The following RAB18 variants were observed in gnomAD, a reference collection of about 807,000 sequenced individuals.
The protein encoded by RAB18 is ras-related protein Rab-18.
RAB18 carries 10 observed loss-of-function variants against 28.5 expected under a neutral mutation model. The observed-to-expected ratio is 0.35, with a 90% CI of 0.22 to 0.60. The LOEUF (loss-of-function observed/expected upper bound fraction) is 0.60. Among genes scored for constraint, RAB18 ranks in the 20% least tolerant of loss-of-function variants. RAB18 has a pLI of 0.78. For synonymous variants in RAB18, 93 were observed against 86.9 expected (o/e 1.07, Z -0.39); for missense variants, 188 against 244.2 (o/e 0.77, Z 1.53).
intron 2 of RAB18, among the ~76,000 whole-genome samples, chr10:27,518,565 A>AT (rs1316181976): frequency 2.0e-5 from 3 of 151,968 alleles, no homozygotes; most frequent in African/African-American, 4.8e-5. Flanking sequence ...GTATATATGT[A>AT]TTTTTTTGCA....
intron 1 of RAB18, among the ~76,000 whole-genome samples, chr10:27,507,418 A>C (rs1382708345): frequency 6.6e-6 from 1 of 152,154 alleles, no homozygotes; most frequent in Non-Finnish European, 1.5e-5. Context: ...TCAGACCCTA[A>C]ATGTGTAAGA....
intron 2 of RAB18, among the ~76,000 whole-genome samples, chr10:27,511,693 T>C (rs1330611998): frequency 3.3e-5 from 5 of 152,224 alleles, no homozygotes. Flanking sequence ...TTTCAGAACA[T>C]AGTGTCAGTG....
chr10:27,531,297 G>A (rs954191926), intron 3 of RAB18, among the ~76,000 whole-genome samples: 2 of 151,962 alleles, frequency 1.3e-5, no homozygotes, highest in Non-Finnish European at 2.9e-5. Context: ...TTCCTCTTAA[G>A]TTTCTCTTCT....
rs374109675 is a variant in RAB18, at chr10:27,540,188, C to T, written c.*2137C>T. On this transcript the variant is annotated 3_prime_UTR_variant, in exon 7 of 7. Coordinates refer to ENST00000356940, the MANE Select transcript of RAB18 (RefSeq NM_021252.5). ...ATAGTTAATATTTATTGAAAGCTTCCTTGGTGCCAGATGCCTTTCTAAGTG... is the reference window on the plus strand; with the variant it reads ...ATAGTTAATATTTATTGAAAGCTTCTTTGGTGCCAGATGCCTTTCTAAGTG... 1 of 453,930 alleles carries T rather than the reference C, an allele frequency of 2.2e-6. No homozygotes were observed. The highest frequency in any genetic ancestry group is 7.0e-5 in the East Asian group (1 of 14,384). The allele number at this position is 453,930 out of a possible 1,614,324, so 28.1% of individuals were successfully genotyped here. A position where few individuals can be genotyped will look rare whatever the true frequency, so the allele number is the denominator to read the frequency against.
intron 2 of RAB18, among the ~76,000 whole-genome samples, chr10:27,525,415 G>T (rs1018329209): frequency 2.8e-5 from 4 of 142,700 alleles, no homozygotes; most frequent in African/African-American, 1.0e-4. Context: ...TTTTCTCAGG[G>T]TTTGTGCTTT....
At position 27,540,368 on chromosome 10, in the gene RAB18, T is replaced by C. The variant is rs1335431191; in HGVS notation, c.*2317T>C. ...ACTGAGCTGGATTCCAGTCATGGCA[T>C]TTTTACTTCTGAGCCCATACTCTTC... is the stretch of plus-strand genomic sequence containing the variant. On this transcript the variant is annotated 3_prime_UTR_variant, in exon 7 of 7. Transcript: ENST00000356940. 2 of 453,984 alleles carry C rather than the reference T, an allele frequency of 4.4e-6. No homozygotes were observed. The highest frequency in any genetic ancestry group is 8.8e-6 in the Non-Finnish European group (2 of 226,778). The allele number at this position is 453,984 out of a possible 1,614,324, so 28.1% of individuals were successfully genotyped here. A position where few individuals can be genotyped will look rare whatever the true frequency, so the allele number is the denominator to read the frequency against.
intron 6 of RAB18, 86 bp downstream of exon 6, chr10:27,534,080 C>A: frequency 7.9e-7 from 1 of 1,272,432 alleles, no homozygotes; most frequent in Non-Finnish European, 1.1e-6. Flanking sequence ...TCTTTATGAA[C>A]CATAAAATGT....
chr10:27,510,022 C>T, intron 2 of RAB18, 92 bp downstream of exon 2: 9 of 926,996 alleles, frequency 9.7e-6, no homozygotes, highest in Non-Finnish European at 1.6e-5. Context: ...CCTCTCACCA[C>T]CCCACTGCCT....
intron 2 of RAB18, among the ~76,000 whole-genome samples, chr10:27,526,190 C>T (rs1401553989): frequency 3.3e-5 from 5 of 152,106 alleles, no homozygotes; most frequent in African/African-American, 1.2e-4. Context: ...TCCTCTTTCA[C>T]TTATGAAGAT....
chr10:27,538,639 A>G lies in RAB18; in HGVS notation c.*588A>G, dbSNP rs989712984. 2.2e-6 allele frequency: 1 copy of G among 453,760 alleles called. No individual in the cohort carries two copies. Among genetic ancestry groups the G allele is most frequent in the Non-Finnish European group, 4.4e-6 (1 of 226,560 alleles). 28.1% of individuals were successfully genotyped at this position (453,760 alleles called of 1,614,324 possible). On this transcript the variant is annotated 3_prime_UTR_variant, in exon 7 of 7. Transcript: ENST00000356940. ...ATGATGCTTCTAAAACAGCATTGAT[A>G]GGTTAAAGAAGCTTGGTATTTTTAA...
intron 1 of RAB18, chr10:27,505,179 G>A (rs113546048): frequency 1.9e-6 from 1 of 529,866 alleles, no homozygotes; most frequent in African/African-American, 1.9e-5. Context: ...TGACAGTGGA[G>A]TTGAGTATAA....
At chr10:27,506,545 C>T (rs1201352689) in intron 1 of RAB18, among the ~76,000 whole-genome samples, 2 of 152,046 alleles carry the variant, frequency 1.3e-5, no homozygotes, top group Non-Finnish European at 2.9e-5. Flanking sequence ...CTGTCTCGAA[C>T]TCCTGAGCTC....
chr10:27,529,491 T>C (rs1834745026), intron 3 of RAB18, among the ~76,000 whole-genome samples: 1 of 151,982 alleles, frequency 6.6e-6, no homozygotes, highest in Non-Finnish European at 1.5e-5. Context: ...TCCTACCTCC[T>C]GAAAGTGCAT....
chr10:27,510,080 T>G (rs1834296383), intron 2 of RAB18, 150 bp downstream of exon 2: 1 of 682,904 alleles, frequency 1.5e-6, no homozygotes, highest in African/African-American at 1.8e-5. Flanking sequence ...AATTTTGGTA[T>G]CATTAAATCT....
At chr10:27,513,868 T>G (rs1342760260) in intron 2 of RAB18, 2 of 152,262 alleles carry the variant, frequency 1.3e-5, no homozygotes, top group African/African-American at 4.8e-5. Flanking sequence ...TTCCTGCACC[T>G]GGTTTAATTC....
At chr10:27,537,016 A>G (rs1463167608) in intron 6 of RAB18, among the ~76,000 whole-genome samples, 1 of 152,212 alleles carries the variant, frequency 6.6e-6, no homozygotes, top group Non-Finnish European at 1.5e-5. Context: ...ATAATTCGGC[A>G]GACTTTTAGG....
In RAB18 at chr10:27,521,692, C is replaced by T. The variant is rs12245917; in HGVS notation, c.125-5136C>T. On this transcript the variant is annotated intron_variant, in intron 2 of 6. Transcript: ENST00000356940. ...AATGATACAGTGGAACTTGGGGACT[C>T]GGGGAAGGGTGGGAGAGGGATGAGG... Among the ~76,000 whole-genome samples, 1,039 of 152,002 alleles carry T rather than the reference C, an allele frequency of 6.8e-3. 6 individuals are homozygous for T. Among genetic ancestry groups the T allele is most frequent in the African/African-American group, 0.023 (941 of 41,436 alleles).
At chr10:27,511,792 G>A (rs958492280) in intron 2 of RAB18, among the ~76,000 whole-genome samples, 5 of 151,944 alleles carry the variant, frequency 3.3e-5, no homozygotes, top group African/African-American at 1.2e-4. Context: ...TACACTTTTT[G>A]CCCTCCTGTT....
At chr10:27,515,785 G>C (rs1423466451) in intron 2 of RAB18, among the ~76,000 whole-genome samples, 1 of 151,904 alleles carries the variant, frequency 6.6e-6, no homozygotes, top group Non-Finnish European at 1.5e-5. Context: ...GGAATTATCT[G>C]TTCTTTAAAG....
Sources: gnomAD v4.1 joint callset for allele counts (sites outside exome capture counted in the v4.1 genomes callset) on GRCh38, gnomAD v4.1.1 for gene constraint, MANE v1.5 for transcripts, NCBI Gene and HGNC (gene_info 2026-07-23, HGNC 2026-07-21) for gene names.